Variants in DGKG observed in about 807,000 individuals in gnomAD.
DGKG encodes diacylglycerol kinase gamma, also known as DAG kinase gamma.
In DGKG, 78 loss-of-function variants were observed where a neutral mutation model predicts 105.3. The ratio of observed to expected loss-of-function variants is 0.74; its 90% confidence interval spans 0.62 to 0.89. The LOEUF is 0.89. Among genes scored for constraint, DGKG ranks in the 40% least tolerant of loss-of-function variants. The pLI is 0.00. For missense variants in DGKG, 958 were observed against 1,020.1 expected (o/e 0.94, Z 0.83); for synonymous variants, 346 against 367.1 (o/e 0.94, Z 0.66).
In DGKG at chr3:186,194,803, T is replaced by TAAA. The variant is rs57878064; in HGVS notation, c.1918-6427_1918-6425dup. Among the ~76,000 whole-genome samples, 1,036 of 105,380 alleles carry TAAA rather than the reference T, an allele frequency of 9.8e-3. 44 individuals are homozygous for TAAA. Among genetic ancestry groups the TAAA allele is most frequent in the African/African-American group, 0.034 (956 of 27,908 alleles). 69.1% of individuals were successfully genotyped at this position (105,380 alleles called of 152,430 possible). A position where few individuals can be genotyped will look rare whatever the true frequency, so the allele number is the denominator to read the frequency against. On this transcript the variant is annotated intron_variant, in intron 21 of 24. Transcript: ENST00000265022. ...CCACGACTCTTTCTTGGTCTTTCTT[T>TAAA]AAAAAAAAAAAAAAAAAAAGCCGGG...
intron 19 of DGKG, among the ~76,000 whole-genome samples, chr3:186,243,187 T>C (rs1334395295): frequency 6.6e-6 from 1 of 151,564 alleles, no homozygotes; most frequent in Non-Finnish European, 1.5e-5. Flanking sequence ...TTAGTGGCAC[T>C]GGATAACATG....
chr3:186,270,833 T>C (rs1722279436), intron 11 of DGKG, among the ~76,000 whole-genome samples: 1 of 152,226 alleles, frequency 6.6e-6, no homozygotes, highest in Admixed American at 6.5e-5. Context: ...AAGACTGGGT[T>C]GCTCCTGCAG....
At chr3:186,166,780 G>C (rs936307058) in intron 22 of DGKG, among the ~76,000 whole-genome samples, 1 of 152,070 alleles carries the variant, frequency 6.6e-6, no homozygotes, top group Non-Finnish European at 1.5e-5. Context: ...GGGGAGAAAA[G>C]AGAAGCAGAA....
chr3:186,244,277 T>C (rs1720831211), intron 19 of DGKG, among the ~76,000 whole-genome samples: 1 of 152,048 alleles, frequency 6.6e-6, no homozygotes, highest in Non-Finnish European at 1.5e-5. Flanking sequence ...GCACCTGGCA[T>C]AGGAGTCCAG....
intron 20 of DGKG, among the ~76,000 whole-genome samples, chr3:186,228,961 T>C (rs13097099): frequency 0.3 from 45,251 of 152,104 alleles, 7,440 homozygotes; most frequent in Non-Finnish European, 0.38. Context: ...AAATAGGGTC[T>C]TCGCAGATGT....
intron 20 of DGKG, among the ~76,000 whole-genome samples, chr3:186,237,452 G>A (rs538838872): frequency 6.6e-6 from 1 of 152,244 alleles, no homozygotes; most frequent in African/African-American, 2.4e-5. Context: ...CACCATACAA[G>A]GTATGACTGG....
intron 20 of DGKG, among the ~76,000 whole-genome samples, chr3:186,229,634 C>T (rs1436268170): frequency 6.6e-6 from 1 of 152,184 alleles, no homozygotes; most frequent in African/African-American, 2.4e-5. Context: ...GCCCAGGACA[C>T]TGATATAGTT....
chr3:186,264,484 G>A (rs766978317), intron 14 of DGKG, among the ~76,000 whole-genome samples: 11 of 152,130 alleles, frequency 7.2e-5, no homozygotes, highest in Non-Finnish European at 1.5e-4. Flanking sequence ...GTCTGGTCTC[G>A]AACTTCTGAC....
Position 186,272,344 on chromosome 3 carries a change from C to T in DGKG, c.911-1G>A. On this transcript the variant is annotated splice_acceptor_variant, in intron 10 of 24. Transcript: ENST00000265022. LOFTEE classifies it high-confidence loss of function. ...CGTTCGTGGACAGTGTATTTACAGT[C>T]TGAAAAGAAAAAAAGTCAAGGCAGG... The T allele has an allele frequency of 1.9e-6, 3 of 1,610,742 alleles. No individual in the cohort carries two copies. The highest frequency in any genetic ancestry group is 2.5e-6 in the Non-Finnish European group (3 of 1,178,026).
At chr3:186,298,030 A>G (rs1184211017) in intron 4 of DGKG, 34 bp downstream of exon 4, 1 of 1,581,226 alleles carries the variant, frequency 6.3e-7, no homozygotes, top group East Asian at 2.2e-5. Context: ...AGAGCTGCGC[A>G]AGGTCTTCCC....
At chr3:186,348,779 A>G (rs1373182308) in intron 1 of DGKG, among the ~76,000 whole-genome samples, 1 of 151,976 alleles carries the variant, frequency 6.6e-6, no homozygotes, top group Non-Finnish European at 1.5e-5. Flanking sequence ...CCCAAATTCC[A>G]CAGTCATACC....
chr3:186,227,710 T>C (rs1056187533), intron 20 of DGKG, among the ~76,000 whole-genome samples: 1 of 152,144 alleles, frequency 6.6e-6, no homozygotes, highest in East Asian at 1.9e-4. Flanking sequence ...AAGTGGGGAG[T>C]TAAAATTAAT....
intron 21 of DGKG, among the ~76,000 whole-genome samples, chr3:186,209,536 C>T (rs146194454): frequency 1.1e-3 from 167 of 152,200 alleles, no homozygotes; most frequent in Non-Finnish European, 1.9e-3. Context: ...CTGAAGATGG[C>T]GAAATGTAGT....
intron 21 of DGKG, among the ~76,000 whole-genome samples, chr3:186,211,557 A>G (rs1719038966): frequency 6.6e-6 from 1 of 152,210 alleles, no homozygotes; most frequent in Admixed American, 6.5e-5. Context: ...GCTGGAATGA[A>G]GTGTGGCTCT....
At position 186,272,394 on chromosome 3, in the gene DGKG, A is replaced by C. The variant is rs902339863; in HGVS notation, c.911-51T>G. On this transcript the variant is annotated intron_variant, in intron 10 of 24. Coordinates refer to ENST00000265022, the MANE Select transcript of DGKG (RefSeq NM_001346.3). ...GTGCTTGTGAATAGCCACGTAGGAA[A>C]GGCCCAGCTGCCCTCCCACCCTAGC... is the stretch of plus-strand genomic sequence containing the variant. The C allele has an allele frequency of 5.8e-6, 8 of 1,377,598 alleles. No individual in the cohort carries two copies. The African/African-American group carries it at 1.1e-4, about 20-fold the overall frequency. The allele number at this position is 1,377,598 out of a possible 1,614,324, so 85.3% of individuals were successfully genotyped here.
chr3:186,187,169 C>T (rs547249997), intron 22 of DGKG, among the ~76,000 whole-genome samples: 6 of 152,336 alleles, frequency 3.9e-5, no homozygotes, highest in Non-Finnish European at 5.9e-5. Flanking sequence ...CATAACCTGA[C>T]TGCTCTGATG....
At chr3:186,314,521 G>A (rs1401733195) in intron 2 of DGKG, among the ~76,000 whole-genome samples, 1 of 152,070 alleles carries the variant, frequency 6.6e-6, no homozygotes, top group Non-Finnish European at 1.5e-5. Flanking sequence ...TTGGGAGGTC[G>A]AGGCGGGTGG....
intron 6 of DGKG, among the ~76,000 whole-genome samples, chr3:186,285,476 G>A (rs895291560): frequency 6.6e-6 from 1 of 151,994 alleles, no homozygotes; most frequent in African/African-American, 2.4e-5. Flanking sequence ...CTTCAATCAC[G>A]TTCTAACTGC....
chr3:186,323,274 C>A (rs1725169158), intron 1 of DGKG, among the ~76,000 whole-genome samples: 1 of 152,154 alleles, frequency 6.6e-6, no homozygotes, highest in African/African-American at 2.4e-5. Flanking sequence ...TGCCATCGTG[C>A]CAGGGAATCT....
Sources: gnomAD v4.1 joint callset for allele counts (sites outside exome capture counted in the v4.1 genomes callset) on GRCh38, gnomAD v4.1.1 for gene constraint, MANE v1.5 for transcripts, NCBI Gene and HGNC (gene_info 2026-07-23, HGNC 2026-07-21) for gene names.